EXOC4: variants seen among roughly 807,000 people sequenced by gnomAD.
The protein encoded by EXOC4 is exocyst complex component 4, also known as SEC8-like 1.
EXOC4 carries 71 observed loss-of-function variants against 107.2 expected under a neutral mutation model. The observed-to-expected ratio is 0.66, with a 90% CI of 0.55 to 0.81. The LOEUF (loss-of-function observed/expected upper bound fraction) is 0.81, where lower values mean the gene tolerates loss of function less well. EXOC4 is among the 30% of genes least tolerant of loss of function. EXOC4 has a pLI of 0.00. For missense variants in EXOC4, 1,108 were observed against 1,189.6 expected (o/e 0.93, Z 1.01); for synonymous variants, 456 against 441.2 (o/e 1.03, Z -0.42).
chr7:133,813,670 C>A (rs1797291908), intron 10 of EXOC4, among the ~76,000 whole-genome samples: 1 of 152,090 alleles, frequency 6.6e-6, no homozygotes. Context: ...CTTTCACTCA[C>A]CCTCTCTTTA....
At chr7:133,692,894 G>A (rs1316483235) in intron 10 of EXOC4, among the ~76,000 whole-genome samples, 1 of 152,080 alleles carries the variant, frequency 6.6e-6, no homozygotes, top group Non-Finnish European at 1.5e-5. Flanking sequence ...TGTGCTAAGC[G>A]CTTCACATGT....
At chr7:133,986,972 G>T (rs1794129109) in intron 14 of EXOC4, among the ~76,000 whole-genome samples, 1 of 152,122 alleles carries the variant, frequency 6.6e-6, no homozygotes, top group Non-Finnish European at 1.5e-5. Context: ...CACTGACTTT[G>T]TAGGCCTCGT....
At chr7:134,022,646 G>A (rs1795053231) in intron 17 of EXOC4, among the ~76,000 whole-genome samples, 1 of 152,086 alleles carries the variant, frequency 6.6e-6, no homozygotes, top group Non-Finnish European at 1.5e-5. Flanking sequence ...GTAAAGATCT[G>A]CCTGGATAAT....
intron 10 of EXOC4, among the ~76,000 whole-genome samples, chr7:133,788,744 C>T (rs550432927): frequency 3.9e-5 from 6 of 152,156 alleles, no homozygotes; most frequent in Admixed American, 6.5e-5. Context: ...CCACCTGCCT[C>T]GGCCTCCCAA....
intron 7 of EXOC4, among the ~76,000 whole-genome samples, chr7:133,426,995 T>G (rs920792280): frequency 6.6e-6 from 1 of 152,212 alleles, no homozygotes. Flanking sequence ...CTCTGCCTAG[T>G]GCTCCATACA....
At chr7:134,038,876 A>T (rs1795452248) in intron 17 of EXOC4, among the ~76,000 whole-genome samples, 1 of 152,206 alleles carries the variant, frequency 6.6e-6, no homozygotes, top group Non-Finnish European at 1.5e-5. Flanking sequence ...GATGCTGAGA[A>T]TCAAGATGAA....
At chr7:133,912,206 G>C (rs573823388) in intron 12 of EXOC4, among the ~76,000 whole-genome samples, 1 of 152,308 alleles carries the variant, frequency 6.6e-6, no homozygotes, top group East Asian at 1.9e-4. Flanking sequence ...AAAAGGAGGG[G>C]TTTTGTTTGT....
At chr7:133,402,101 T>C (rs1797103003) in intron 7 of EXOC4, among the ~76,000 whole-genome samples, 1 of 152,200 alleles carries the variant, frequency 6.6e-6, no homozygotes, top group African/African-American at 2.4e-5. Flanking sequence ...TCTAGTGCTG[T>C]AGTAAATAAA....
At chr7:133,837,875 A>C (rs2161745) in intron 11 of EXOC4, among the ~76,000 whole-genome samples, 6,220 of 152,260 alleles carry the variant, frequency 0.041, 446 homozygotes, top group African/African-American at 0.14. Flanking sequence ...ACTTAAGGAT[A>C]TTGAATGTAA....
chr7:134,004,888 T>A, intron 15 of EXOC4, 24 bp from the exon 16 acceptor site: 1 of 1,593,090 alleles, frequency 6.3e-7, no homozygotes, highest in Admixed American at 1.7e-5. Context: ...TATTAACTGC[T>A]CTCCCTATCT....
chr7:133,645,502 AG>A (rs1376141583), intron 10 of EXOC4, among the ~76,000 whole-genome samples: 14 of 152,110 alleles, frequency 9.2e-5, no homozygotes, highest in Admixed American at 2.0e-4. Flanking sequence ...TCCCTCATAA[AG>A]AAGATGCTAG....
intron 9 of EXOC4, among the ~76,000 whole-genome samples, chr7:133,553,467 T>A (rs1481022039): frequency 1.3e-5 from 2 of 152,154 alleles, no homozygotes; most frequent in African/African-American, 2.4e-5. Flanking sequence ...TACTCCTTCC[T>A]CCGATTTCAT....
At chr7:133,622,822 T>C (rs1421883118) in intron 9 of EXOC4, among the ~76,000 whole-genome samples, 2 of 152,172 alleles carry the variant, frequency 1.3e-5, no homozygotes, top group Non-Finnish European at 2.9e-5. Flanking sequence ...CTGGATCCTT[T>C]TATTCAACCT....
rs367899450 is a variant in EXOC4 at position 133,262,084 on chromosome 7, C to G, written c.86+8897C>G. ...TTGTTTGTTCGTTACTTTGTTAGTC[C>G]CTGTTGTTTCTTCTGGGCCTAAAGT... is the stretch of plus-strand genomic sequence containing the variant. On this transcript the variant is annotated intron_variant, in intron 1 of 17. Transcript: ENST00000253861. Among the ~76,000 whole-genome samples the G allele has an allele frequency of 4.6e-5, 7 of 151,960 alleles. 1 individual carries two copies. In the East Asian group the frequency reaches 1.2e-3, roughly 25 times the overall value.
chr7:133,316,056 T>C (rs1008772184), intron 4 of EXOC4, among the ~76,000 whole-genome samples: 2 of 152,192 alleles, frequency 1.3e-5, no homozygotes, highest in African/African-American at 2.4e-5. Context: ...TATGTGATAA[T>C]TTCACTCTTT....
chr7:133,668,211 G>A (rs1404213679), intron 10 of EXOC4, among the ~76,000 whole-genome samples: 1 of 152,110 alleles, frequency 6.6e-6, no homozygotes, highest in African/African-American at 2.4e-5. Flanking sequence ...ATGTATGAAT[G>A]GAAAATAATT....
intron 17 of EXOC4, among the ~76,000 whole-genome samples, chr7:134,018,923 T>C (rs1186246835): frequency 6.6e-6 from 1 of 152,062 alleles, no homozygotes; most frequent in Non-Finnish European, 1.5e-5. Flanking sequence ...TATGTTTGTT[T>C]TTGTTTTTTG....
chr7:133,793,398 A>G (rs939379904), intron 10 of EXOC4, among the ~76,000 whole-genome samples: 14 of 152,174 alleles, frequency 9.2e-5, no homozygotes, highest in Non-Finnish European at 1.8e-4. Context: ...GGCGTCGGGC[A>G]GTTCACAGAC....
intron 14 of EXOC4, among the ~76,000 whole-genome samples, chr7:133,984,916 C>T (rs551611717): frequency 6.6e-6 from 1 of 152,272 alleles, no homozygotes; most frequent in Admixed American, 6.5e-5. Context: ...TTATATTCCT[C>T]TGGGAAGCAG....
Sources: gnomAD v4.1 joint callset for allele counts (sites outside exome capture counted in the v4.1 genomes callset) on GRCh38, gnomAD v4.1.1 for gene constraint, MANE v1.5 for transcripts, NCBI Gene and HGNC (gene_info 2026-07-23, HGNC 2026-07-21) for gene names.